Variants in GTF2H1 observed in about 807,000 individuals in gnomAD.
GTF2H1 encodes the protein general transcription factor IIH subunit 1.
A neutral mutation model predicts 71.2 loss-of-function variants in GTF2H1; 16 were observed. The ratio of observed to expected loss-of-function variants is 0.22; its 90% CI spans 0.15 to 0.34. The LOEUF is 0.34. Ranked by LOEUF, GTF2H1 falls within the 10% of genes least tolerant of loss-of-function variation. GTF2H1 has a pLI of 1.00. For missense variants in GTF2H1, 498 were observed against 648.2 expected (o/e 0.77, Z 2.52); for synonymous variants, 215 against 219.0 (o/e 0.98, Z 0.16).
At chr11:18,361,939 C>T (rs942650937) in intron 14 of GTF2H1, among the ~76,000 whole-genome samples, 1 of 152,172 alleles carries the variant, frequency 6.6e-6, no homozygotes, top group Admixed American at 6.5e-5. Context: ...AGAGCAACCA[C>T]ATCAGATCAT....
chr11:18,338,087 T>C (rs1003862502), intron 3 of GTF2H1, 22 bp from the exon 4 acceptor site: 1 of 1,562,292 alleles, frequency 6.4e-7, no homozygotes, highest in African/African-American at 1.4e-5. Flanking sequence ...TTCAGTTATA[T>C]TCAGTATATT....
At chr11:18,350,366 CATATGTCA>C in intron 9 of GTF2H1, among the ~76,000 whole-genome samples, 1 of 151,836 alleles carries the variant, frequency 6.6e-6, no homozygotes, top group Non-Finnish European at 1.5e-5. Context: ...ATAAGCTTGA[CATATGTCA>C]AAAATCATGA....
At chr11:18,344,104 C>T (rs1031332815) in intron 7 of GTF2H1, among the ~76,000 whole-genome samples, 13 of 152,082 alleles carry the variant, frequency 8.5e-5, no homozygotes, top group Admixed American at 1.3e-4. Flanking sequence ...AGATTACAGG[C>T]GTGAACCATT....
intron 3 of GTF2H1, among the ~76,000 whole-genome samples, chr11:18,337,781 A>G (rs1565008146): frequency 1.3e-5 from 2 of 152,192 alleles, no homozygotes; most frequent in Admixed American, 6.5e-5. Context: ...GAGCATTTTC[A>G]GATACCAACA....
intron 13 of GTF2H1, 71 bp from the exon 14 acceptor site, chr11:18,360,544 G>A: frequency 1.4e-6 from 1 of 702,390 alleles, no homozygotes; most frequent in South Asian, 1.9e-5. Flanking sequence ...TTCATATGTA[G>A]AAGATTGTTT....
In GTF2H1 at chr11:18,336,998, G is replaced by T. The variant is rs182278006; in HGVS notation, c.347+1052G>T. Among the ~76,000 whole-genome samples the T allele has an allele frequency of 2.0e-5, 3 of 152,252 alleles. No individual in the cohort carries two copies. The East Asian group carries it at 5.8e-4, about 29-fold the overall frequency. On this transcript the variant is annotated intron_variant, in intron 3 of 14. Coordinates refer to ENST00000265963, the MANE Select transcript of GTF2H1 (RefSeq NM_005316.4). Reference sequence around the variant, plus strand: ...ACTCCTGACCTCAAGTGATCTGCCTGCCTGGGCCTTCCAAAGTGCTGGGAT... The same window carrying T: ...ACTCCTGACCTCAAGTGATCTGCCTTCCTGGGCCTTCCAAAGTGCTGGGAT...
At chr11:18,364,091 A>T (rs1325479837) in intron 14 of GTF2H1, among the ~76,000 whole-genome samples, 1 of 152,054 alleles carries the variant, frequency 6.6e-6, no homozygotes, top group African/African-American at 2.4e-5. Context: ...AAAGAAAAGG[A>T]TGCTGAGGCC....
intron 3 of GTF2H1, among the ~76,000 whole-genome samples, chr11:18,336,664 GA>G (rs1865035772): frequency 6.6e-6 from 1 of 152,116 alleles, no homozygotes; most frequent in Non-Finnish European, 1.5e-5. Context: ...CTCTGTCACA[GA>G]GAAGATGCTA....
chr11:18,345,382 CAG>C (rs1865266924), intron 7 of GTF2H1, among the ~76,000 whole-genome samples: 1 of 152,080 alleles, frequency 6.6e-6, no homozygotes, highest in African/African-American at 2.4e-5. Flanking sequence ...ACACTCCTCT[CAG>C]AGTGTAATCT....
At chr11:18,358,316 G>A (rs1190593600) in intron 12 of GTF2H1, among the ~76,000 whole-genome samples, 2 of 152,148 alleles carry the variant, frequency 1.3e-5, no homozygotes, top group African/African-American at 4.8e-5. Flanking sequence ...GAATAAAGGG[G>A]AAACCTGAAA....
intron 13 of GTF2H1, among the ~76,000 whole-genome samples, chr11:18,358,881 T>C (rs1453578846): frequency 1.3e-5 from 2 of 152,216 alleles, no homozygotes; most frequent in Admixed American, 1.3e-4. Context: ...TTAAAACTTG[T>C]ATCTACCTCC....
chr11:18,325,391 A>G (rs1053612171), intron 1 of GTF2H1, among the ~76,000 whole-genome samples: 3 of 152,260 alleles, frequency 2.0e-5, no homozygotes, highest in African/African-American at 7.2e-5. Flanking sequence ...TGTATATGCA[A>G]AGATTCCTTA....
intron 7 of GTF2H1, 111 bp from the exon 8 acceptor site, chr11:18,347,477 G>A (rs567960219): frequency 1.1e-4 from 70 of 610,074 alleles, no homozygotes; most frequent in Non-Finnish European, 8.1e-5. Context: ...TTTAATGTTC[G>A]TGAGAAGTAA....
In GTF2H1 at chr11:18,365,804, A is replaced by G; in HGVS notation, c.1582A>G (p.Met528Val). The G allele has an allele frequency of 6.2e-7, 1 of 1,613,360 alleles. No individual in the cohort carries two copies. The highest frequency in any genetic ancestry group is 8.5e-7 in the Non-Finnish European group (1 of 1,179,366). ...STNLVSHIEE[M>V]LQTAYNKLHT... Reference sequence around the variant, plus strand: ...TCAGTTGGTAAGTCACATAGAAGAGATGCTCCAGACAGCCTACAACAAGCT... The same window carrying G: ...TCAGTTGGTAAGTCACATAGAAGAGGTGCTCCAGACAGCCTACAACAAGCT... The change falls in exon 15 of 15, where the codon ATG (methionine) becomes GTG (valine). Residue 528 changes from methionine (M) to valine (V), a missense_variant. Coordinates refer to ENST00000265963, the MANE Select transcript of GTF2H1 (RefSeq NM_005316.4).
chr11:18,342,732 CTTTT>C (rs369564474), intron 7 of GTF2H1, among the ~76,000 whole-genome samples: 2 of 151,136 alleles, frequency 1.3e-5, no homozygotes, highest in African/African-American at 4.9e-5. Context: ...TTTTTTAGTG[CTTTT>C]TTTTTCTTTA....
chr11:18,355,759 C>T (rs969675938), intron 11 of GTF2H1, among the ~76,000 whole-genome samples: 4 of 152,196 alleles, frequency 2.6e-5, no homozygotes, highest in Admixed American at 2.0e-4. Flanking sequence ...AAGCGATCCA[C>T]CTGCCTCAGC....
chr11:18,339,565 C>G lies in GTF2H1; in HGVS notation c.515C>G (p.Ala172Gly), dbSNP rs1172318351. ...ATGTGTGTATGGGCTTTGTTTTAGG[C>G]TGATGTCCGGCCCCAAACTGATGGC... ...QDVGISAAFL[A>G]DVRPQTDGCN... Residue 172 changes from alanine to glycine, a missense_variant and splice_region_variant, in exon 5 of 15, where the codon GCT becomes GGT. By Grantham distance (60) the Ala-to-Gly change is moderately conservative. Transcript: ENST00000265963. The G allele has an allele frequency of 3.1e-6, 5 of 1,609,408 alleles. No individual in the cohort carries two copies. The South Asian group carries it at 4.4e-5, about 14-fold the overall frequency.
At chr11:18,351,850 A>G (rs1865433812) in intron 9 of GTF2H1, 31 bp from the exon 10 acceptor site, 1 of 1,146,086 alleles carries the variant, frequency 8.7e-7, no homozygotes, top group Admixed American at 1.8e-5. Context: ...AAGTTGTGAC[A>G]AAATAAAAAG....
At chr11:18,343,659 C>T (rs888299078) in intron 7 of GTF2H1, among the ~76,000 whole-genome samples, 1 of 152,196 alleles carries the variant, frequency 6.6e-6, no homozygotes, top group Non-Finnish European at 1.5e-5. Context: ...CTGCAGAGCT[C>T]TAGCTGCCTA....
Sources: gnomAD v4.1 joint callset for allele counts (sites outside exome capture counted in the v4.1 genomes callset) on GRCh38, gnomAD v4.1.1 for gene constraint, MANE v1.5 for transcripts, NCBI Gene and HGNC (gene_info 2026-07-23, HGNC 2026-07-21) for gene names.